The following SETD3 variants were observed in gnomAD, a reference collection of about 807,000 sequenced individuals.
SETD3 encodes actin-histidine N-methyltransferase.
A neutral mutation model predicts 63.0 loss-of-function variants in SETD3; 19 were observed. That is an observed-to-expected ratio of 0.30 (90% CI 0.21 to 0.44). The LOEUF (loss-of-function observed/expected upper bound fraction) is 0.44. Ranked by LOEUF, SETD3 falls within the 20% of genes least tolerant of loss-of-function variation. SETD3 has a pLI of 1.00. For missense variants in SETD3, 587 were observed against 728.5 expected (o/e 0.81, Z 2.24); for synonymous variants, 286 against 264.1 (o/e 1.08, Z -0.80).
At position 99,410,166 on chromosome 14, in the gene SETD3, G is replaced by A. The variant is rs747666199; in HGVS notation, c.849+2785C>T. The A allele has an allele frequency of 1.2e-5, 19 of 1,598,294 alleles. No homozygotes were observed. In the Middle Eastern group the frequency reaches 5.0e-4, roughly 42 times the overall value. ...TGAGTCCCGTAAGTGCCTAAGGAATGGAGGGTCTTAGGCAGAGGCGACAGC... is the reference window on the plus strand; with the variant it reads ...TGAGTCCCGTAAGTGCCTAAGGAATAGAGGGTCTTAGGCAGAGGCGACAGC... On this transcript the variant is annotated intron_variant, in intron 8 of 12. Transcript: ENST00000331768.
chr14:99,458,634 G>T (rs1345988499), intron 5 of SETD3, 99 bp from the exon 6 acceptor site: 1 of 1,411,532 alleles, frequency 7.1e-7, no homozygotes. Flanking sequence ...AAAAGGTCTT[G>T]TAACATTTAA....
chr14:99,457,956 C>T (rs958438571), intron 6 of SETD3, among the ~76,000 whole-genome samples: 1 of 152,098 alleles, frequency 6.6e-6, no homozygotes, highest in Non-Finnish European at 1.5e-5. Flanking sequence ...CACAGAGTAA[C>T]TTATTGCATT....
chr14:99,469,950 A>G (rs1377113141), intron 1 of SETD3, among the ~76,000 whole-genome samples: 2 of 152,180 alleles, frequency 1.3e-5, no homozygotes, highest in South Asian at 2.1e-4. Flanking sequence ...TAAACTTCAT[A>G]TAAGTGGAAT....
Position 99,400,249 on chromosome 14 carries a change from T to C in SETD3, c.1188A>G (p.Lys396=), listed in dbSNP as rs1397835506. The C allele has an allele frequency of 1.2e-6, 2 of 1,610,278 alleles. No homozygotes were observed. Among genetic ancestry groups the C allele is most frequent in the East Asian group, 2.2e-5 (1 of 44,824 alleles). ...RVFCMTEEEL[K]EHLLGDSAID... ...TAGCGCTGTCTCCCAGCAAGTGTTC[T>C]TTCAGTTCTTCTACAAGAAATACAA... The change falls in exon 12 of 13, where the codon AAA becomes AAG. Residue 396 remains lysine (K), a synonymous_variant. Coordinates refer to ENST00000331768, the MANE Select transcript of SETD3 (RefSeq NM_032233.3).
intron 6 of SETD3, among the ~76,000 whole-genome samples, chr14:99,433,675 G>C (rs1217451685): frequency 6.6e-6 from 1 of 152,138 alleles, no homozygotes; most frequent in Non-Finnish European, 1.5e-5. Context: ...CTGATCTCAT[G>C]ATCCACCTGC....
At chr14:99,460,457 C>T (rs1895007881) in intron 4 of SETD3, among the ~76,000 whole-genome samples, 1 of 152,112 alleles carries the variant, frequency 6.6e-6, no homozygotes, top group African/African-American at 2.4e-5. Context: ...CCGCCCTCCC[C>T]ACATGTGGCC....
In SETD3 at chr14:99,400,241, A is replaced by C; in HGVS notation, c.1196T>G (p.Leu399Trp). Residue 399 changes from leucine (L) to tryptophan (W), a missense_variant, in exon 12 of 13, where the codon TTG becomes TGG. By Grantham distance (61) the Leu-to-Trp change is moderately conservative. Transcript: ENST00000331768. ...TCTATCAATAGCGCTGTCTCCCAGC[A>C]AGTGTTCTTTCAGTTCTTCTACAAG... ...CMTEEELKEH[L>W]LGDSAIDRIF... The C allele has an allele frequency of 6.2e-7, 1 of 1,612,092 alleles. No homozygotes were observed. Among genetic ancestry groups the C allele is most frequent in the East Asian group, 2.2e-5 (1 of 44,838 alleles).
At chr14:99,443,092 G>A (rs558479647) in intron 6 of SETD3, among the ~76,000 whole-genome samples, 3 of 152,256 alleles carry the variant, frequency 2.0e-5, no homozygotes, top group Admixed American at 6.5e-5. Flanking sequence ...TTGTGAGGGC[G>A]AGCTGTGAAG....
At chr14:99,413,819 C>G in intron 7 of SETD3, 57 bp downstream of exon 7, 1 of 1,532,804 alleles carries the variant, frequency 6.5e-7, no homozygotes, top group Non-Finnish European at 9.0e-7. Flanking sequence ...CTTCCAGGAT[C>G]CCACTTCACT....
In SETD3 at chr14:99,433,328, A is replaced by C. The variant is rs536077801; in HGVS notation, c.676-19394T>G. ...TGTAATATACATCCCCAAAATACAC[A>C]CTGGATTTCCAAAACTTATAAAAAC... is the stretch of plus-strand genomic sequence containing the variant. On this transcript the variant is annotated intron_variant, in intron 6 of 12. Transcript: ENST00000331768. Among the ~76,000 whole-genome samples, 145 of 152,300 alleles carry C rather than the reference A, an allele frequency of 9.5e-4. 1 individual carries two copies. The highest frequency in any genetic ancestry group is 1.5e-3 in the Admixed American group (23 of 15,300).
intron 12 of SETD3, among the ~76,000 whole-genome samples, 170 bp from the exon 13 acceptor site, chr14:99,399,295 T>A (rs1390967818): frequency 6.6e-6 from 1 of 152,156 alleles, no homozygotes; most frequent in Non-Finnish European, 1.5e-5. Context: ...CATCAAAACG[T>A]ACGCTTCAGA....
At chr14:99,484,872 A>G (rs1896445851), upstream of SETD3, among the ~76,000 whole-genome samples, 1 of 152,200 alleles carries the variant, frequency 6.6e-6, no homozygotes, top group African/African-American at 2.4e-5. Context: ...GTCTTTTATG[A>G]TGTAAAATGA....
chr14:99,472,301 T>C (rs997890484), intron 1 of SETD3, among the ~76,000 whole-genome samples: 1 of 152,214 alleles, frequency 6.6e-6, no homozygotes, highest in Non-Finnish European at 1.5e-5. Context: ...TAAGATTCAG[T>C]GTGAGGTGTT....
At position 99,399,741 on chromosome 14, in the gene SETD3, A is replaced by AATTTTTTTTTT. The variant is rs1566869064; in HGVS notation, c.1338+357_1338+358insAAAAAAAAAAT. Among the ~76,000 whole-genome samples the AATTTTTTTTTT allele has an allele frequency of 3.1e-5, 4 of 127,728 alleles. 1 individual carries two copies. Among genetic ancestry groups the AATTTTTTTTTT allele is most frequent in the Non-Finnish European group, 4.9e-5 (3 of 61,422 alleles). The allele number at this position is 127,728 out of a possible 152,430, so 83.8% of individuals were successfully genotyped here. A position where few individuals can be genotyped will look rare whatever the true frequency, so the allele number is the denominator to read the frequency against. On this transcript the variant is annotated intron_variant, in intron 12 of 12. Transcript: ENST00000331768. ...GAATTAACAAGAAATCTTTCATTAA[A>AATTTTTTTTTT]TTTTTTTTTTTTTTTTTTTTTTTTT...
In SETD3 at chr14:99,398,889, G is replaced by T; in HGVS notation, c.1575C>A (p.Asn525Lys). 6.2e-7 allele frequency: 1 copy of T among 1,614,144 alleles called. No homozygotes were observed. The highest frequency in any genetic ancestry group is 1.1e-5 in the South Asian group (1 of 91,086). ...CCTGCACTCCAGCCTCCTCCTCGAGGTTTCTCAAGACCAGGGGGAGCCTCG... is the reference window on the plus strand; with the variant it reads ...CCTGCACTCCAGCCTCCTCCTCGAGTTTTCTCAAGACCAGGGGGAGCCTCG... ...GDSRLPLVLR[N>K]LEEEAGVQDA... The change falls in exon 13 of 13, where the codon AAC becomes AAA. Residue 525 changes from asparagine to lysine, a missense_variant. Transcript: ENST00000331768.
chr14:99,446,466 T>C (rs1431452945), intron 6 of SETD3, among the ~76,000 whole-genome samples: 1 of 152,170 alleles, frequency 6.6e-6, no homozygotes, highest in Non-Finnish European at 1.5e-5. Flanking sequence ...ACAGCGGGCA[T>C]TGCCTAACCT....
chr14:99,415,707 G>T (rs1430546967), intron 6 of SETD3, among the ~76,000 whole-genome samples: 1 of 152,156 alleles, frequency 6.6e-6, no homozygotes, highest in Non-Finnish European at 1.5e-5. Context: ...GTTAGAAATA[G>T]TTCTTATCTT....
At chr14:99,400,304 A>G (rs1349470228) in intron 11 of SETD3, 45 bp from the exon 12 acceptor site, 1 of 1,555,344 alleles carries the variant, frequency 6.4e-7, no homozygotes, top group Non-Finnish European at 8.7e-7. Context: ...AAAACATAGC[A>G]CTCCTCATTT....
intron 1 of SETD3, among the ~76,000 whole-genome samples, chr14:99,468,361 C>T (rs1895511713): frequency 6.6e-6 from 1 of 152,036 alleles, no homozygotes; most frequent in Non-Finnish European, 1.5e-5. Context: ...CAAGCCTGTC[C>T]CTGCTGCTTA....
Sources: gnomAD v4.1 joint callset for allele counts (sites outside exome capture counted in the v4.1 genomes callset) on GRCh38, gnomAD v4.1.1 for gene constraint, MANE v1.5 for transcripts, NCBI Gene and HGNC (gene_info 2026-07-23, HGNC 2026-07-21) for gene names.